NEDD4L: variants seen among roughly 807,000 people sequenced by gnomAD.
NEDD4L encodes the protein NEDD4 like E3 ubiquitin protein ligase.
In NEDD4L, 54 loss-of-function variants were observed where a neutral mutation model predicts 148.9. The ratio of observed to expected loss-of-function variants is 0.36; its 90% CI spans 0.29 to 0.45. The LOEUF (loss-of-function observed/expected upper bound fraction) is 0.45. Ranked by LOEUF, NEDD4L falls within the 20% of genes least tolerant of loss-of-function variation. The pLI is 1.00. For synonymous variants in NEDD4L, 433 were observed against 440.7 expected, an observed-to-expected ratio of 0.98 and a Z score of 0.22; for missense variants, 856 against 1,233.8, an observed-to-expected ratio of 0.69 and a Z score of 4.59.
At chr18:58,184,979 T>C (rs578191423) in intron 2 of NEDD4L, among the ~76,000 whole-genome samples, 1 of 152,152 alleles carries the variant, frequency 6.6e-6, no homozygotes, top group Non-Finnish European at 1.5e-5. Context: ...CTGCTCACCC[T>C]TTTTCCCAAA....
intron 1 of NEDD4L, chr18:58,149,408 T>TCAC: frequency 2.0e-6 from 3 of 1,499,820 alleles, no homozygotes; most frequent in Non-Finnish European, 2.7e-6. Flanking sequence ...TGTGACCTTG[T>TCAC]CACCCGGCAG....
At position 58,106,521 on chromosome 18, in the gene NEDD4L, C is replaced by T. The variant is rs531155769; in HGVS notation, c.49-59267C>T. ...AAAAGGCTGCCTGGTGAAGGGGGGC[C>T]GGTTCCCATACTTCTCAGATGTGCC... On this transcript the variant is annotated intron_variant, in intron 1 of 30. Transcript: ENST00000400345. Among the ~76,000 whole-genome samples, 65 of 152,138 alleles carry T rather than the reference C, an allele frequency of 4.3e-4. 3 individuals carry two copies. The South Asian group carries it at 0.013, about 30-fold the overall frequency.
chr18:58,367,934 C>T (rs368039153), intron 22 of NEDD4L, 67 bp downstream of exon 22: 16 of 1,552,800 alleles, frequency 1.0e-5, no homozygotes, highest in East Asian at 4.5e-5. Flanking sequence ...TCTTATCTTT[C>T]GCATCATGGG....
intron 5 of NEDD4L, among the ~76,000 whole-genome samples, chr18:58,297,181 A>G (rs1013326628): frequency 3.9e-5 from 6 of 152,192 alleles, no homozygotes; most frequent in Admixed American, 6.5e-5. Context: ...ATTTAATCAC[A>G]TCTGCAAAGG....
chr18:58,183,115 G>A (rs2039037267), intron 2 of NEDD4L, among the ~76,000 whole-genome samples: 1 of 152,162 alleles, frequency 6.6e-6, no homozygotes, highest in Admixed American at 6.5e-5. Context: ...CAGACACACC[G>A]GACAGCAGTC....
At chr18:58,273,436 G>A (rs776140647) in intron 5 of NEDD4L, among the ~76,000 whole-genome samples, 1 of 152,162 alleles carries the variant, frequency 6.6e-6, no homozygotes, top group Non-Finnish European at 1.5e-5. Context: ...ACAAATGATA[G>A]GAGGCCACTT....
intron 2 of NEDD4L, chr18:58,197,925 G>A (rs766309124): frequency 6.6e-6 from 1 of 152,228 alleles, no homozygotes; most frequent in Non-Finnish European, 1.5e-5. Flanking sequence ...ACACTCTCCA[G>A]TGGGTGGGGG....
chr18:58,263,277 T>TGGAA (rs991482518), intron 5 of NEDD4L, among the ~76,000 whole-genome samples: 1 of 152,222 alleles, frequency 6.6e-6, no homozygotes, highest in Non-Finnish European at 1.5e-5. Context: ...AGCAAGAGAC[T>TGGAA]GGAATTTCCC....
intron 2 of NEDD4L, chr18:58,195,633 T>TCGCCGC: frequency 7.4e-7 from 1 of 1,349,892 alleles, no homozygotes; most frequent in Non-Finnish European, 9.8e-7. Context: ...GGATTTCTCC[T>TCGCCGC]CGCCGCCGTT....
chr18:58,087,994 T>C (rs766410882), intron 1 of NEDD4L, among the ~76,000 whole-genome samples: 1 of 152,244 alleles, frequency 6.6e-6, no homozygotes, highest in Non-Finnish European at 1.5e-5. Context: ...GCTGCAGTCA[T>C]TATGCCCGCT....
chr18:58,370,965 T>G (rs2046781884), intron 23 of NEDD4L, among the ~76,000 whole-genome samples: 1 of 152,222 alleles, frequency 6.6e-6, no homozygotes, highest in Non-Finnish European at 1.5e-5. Flanking sequence ...CAAGTAGTGA[T>G]TTGGGTTTTC....
intron 5 of NEDD4L, among the ~76,000 whole-genome samples, chr18:58,269,394 C>T (rs2050698854): frequency 1.3e-5 from 2 of 151,934 alleles, no homozygotes; most frequent in Admixed American, 1.3e-4. Flanking sequence ...AAATGGCTCA[C>T]CGCAGCAAAA....
intron 22 of NEDD4L, 31 bp from the exon 23 acceptor site, chr18:58,370,360 AGACCTG>A: frequency 7.7e-7 from 1 of 1,297,264 alleles, no homozygotes. Flanking sequence ...GCAGTGTCAA[AGACCTG>A]AAACTAAACC....
intron 1 of NEDD4L, among the ~76,000 whole-genome samples, chr18:58,049,620 A>G (rs560534733): frequency 6.6e-6 from 1 of 152,346 alleles, no homozygotes; most frequent in Admixed American, 6.5e-5. Flanking sequence ...AAAAGGACCT[A>G]GTTTTCATGG....
chr18:58,088,073 G>A (rs1403674997), intron 1 of NEDD4L, among the ~76,000 whole-genome samples: 5 of 152,212 alleles, frequency 3.3e-5, no homozygotes, highest in Admixed American at 1.3e-4. Context: ...AGTTGGTGCC[G>A]TTGCTGGCAG....
intron 1 of NEDD4L, among the ~76,000 whole-genome samples, chr18:58,062,816 G>A (rs1328603806): frequency 1.3e-5 from 2 of 151,868 alleles, no homozygotes; most frequent in Non-Finnish European, 2.9e-5. Flanking sequence ...GTGAAACCCC[G>A]TCTCTGCTAA....
At chr18:58,225,068 GA>G (rs1031517760) in intron 2 of NEDD4L, among the ~76,000 whole-genome samples, 4 of 151,348 alleles carry the variant, frequency 2.6e-5, no homozygotes, top group Admixed American at 6.6e-5. Context: ...TCTGTGTCTG[GA>G]AAAAAAAGTC....
At chr18:58,096,457 G>A (rs967010546) in intron 1 of NEDD4L, among the ~76,000 whole-genome samples, 19 of 150,040 alleles carry the variant, frequency 1.3e-4, no homozygotes, top group South Asian at 4.2e-4. Flanking sequence ...AGGCTGGAGC[G>A]CAGTGGCGCA....
chr18:58,187,752 G>A (rs778013548), intron 2 of NEDD4L, among the ~76,000 whole-genome samples: 88 of 152,220 alleles, frequency 5.8e-4, no homozygotes, highest in South Asian at 1.2e-3. Context: ...AGAAGCAGAC[G>A]GAACTTGTAT....
Sources: allele counts gnomAD v4.1 joint callset (sites outside exome capture counted in the v4.1 genomes callset), GRCh38; gene constraint gnomAD v4.1.1; transcripts MANE v1.5; gene names NCBI Gene and HGNC (gene_info 2026-07-23, HGNC 2026-07-21).